The following TP63 variants were observed in gnomAD, a reference collection of about 807,000 sequenced individuals.
The protein encoded by TP63 is tumor protein p63.
Under a neutral mutation model 82.8 loss-of-function variants are expected in TP63, and 17 were observed. The ratio of observed to expected loss-of-function variants is 0.21; its 90% CI spans 0.14 to 0.31. The LOEUF (loss-of-function observed/expected upper bound fraction) is 0.31. Among genes scored for constraint, TP63 ranks in the 10% least tolerant of loss-of-function variants. The pLI is 1.00. For synonymous variants in TP63, 330 were observed against 321.7 expected, an observed-to-expected ratio of 1.03 and a Z score of -0.28; for missense variants, 648 against 895.3, an observed-to-expected ratio of 0.72 and a Z score of 3.52.
chr3:189,620,577 T>C, the TP63 span, among the ~76,000 whole-genome samples: 1 of 149,146 alleles, frequency 6.7e-6, no homozygotes, highest in Non-Finnish European at 1.5e-5. Context: ...GAGAATTCAA[T>C]AGAAATAGTT....
intron 4 of TP63, among the ~76,000 whole-genome samples, chr3:189,841,286 G>A (rs939978321): frequency 2.0e-5 from 3 of 152,156 alleles, no homozygotes; most frequent in Non-Finnish European, 4.4e-5. Flanking sequence ...TGACAGAAAG[G>A]GAATACAGGT....
chr3:189,647,306 C>T (rs147246696), intron 1 of TP63, among the ~76,000 whole-genome samples: 2 of 147,110 alleles, frequency 1.4e-5, no homozygotes, highest in African/African-American at 2.5e-5. Flanking sequence ...TAGTCATACC[C>T]TAAACCAGTA....
At chr3:189,879,078 G>A (rs1319551509) in intron 10 of TP63, among the ~76,000 whole-genome samples, 1 of 152,170 alleles carries the variant, frequency 6.6e-6, no homozygotes, top group Non-Finnish European at 1.5e-5. Context: ...TGCAGAATCA[G>A]GCTCAGTCCT....
At chr3:189,785,499 A>C (rs139231549) in intron 3 of TP63, among the ~76,000 whole-genome samples, 279 of 152,212 alleles carry the variant, frequency 1.8e-3, no homozygotes, top group African/African-American at 6.4e-3. Context: ...AAATAAGAGA[A>C]GGTTTAACTT....
intron 3 of TP63, among the ~76,000 whole-genome samples, chr3:189,744,722 G>A (rs528452268): frequency 3.9e-5 from 6 of 152,290 alleles, no homozygotes; most frequent in African/African-American, 1.4e-4. Context: ...TGACATGCCA[G>A]CTGCCCAGGG....
chr3:189,891,776 C>T (rs184410441), intron 13 of TP63, among the ~76,000 whole-genome samples: 11 of 152,246 alleles, frequency 7.2e-5, no homozygotes, highest in African/African-American at 9.6e-5. Context: ...TCTCTTAGGC[C>T]GCGCTCTTCA....
chr3:189,634,611 T>C (rs1286559443), intron 1 of TP63, among the ~76,000 whole-genome samples: 1 of 152,084 alleles, frequency 6.6e-6, no homozygotes, highest in Non-Finnish European at 1.5e-5. Flanking sequence ...TTAGAGCTTA[T>C]TAAGTTCCCC....
the TP63 span, among the ~76,000 whole-genome samples, chr3:189,598,369 G>A: frequency 6.6e-6 from 1 of 150,780 alleles, no homozygotes; most frequent in Admixed American, 6.6e-5. Flanking sequence ...GGAAAGGCGA[G>A]GCAAGAGAAG....
intron 3 of TP63, among the ~76,000 whole-genome samples, chr3:189,774,631 T>C (rs1237354986): frequency 1.3e-5 from 2 of 152,202 alleles, no homozygotes; most frequent in African/African-American, 4.8e-5. Context: ...TTTCAACTCA[T>C]TTGACAACCC....
chr3:189,886,635 T>G, intron 11 of TP63, 84 bp downstream of exon 11: 1 of 1,578,956 alleles, frequency 6.3e-7, no homozygotes, highest in Non-Finnish European at 8.6e-7. Context: ...GGCATGTTCT[T>G]AAGCTAAATG....
intron 3 of TP63, among the ~76,000 whole-genome samples, chr3:189,756,116 C>T (rs1277233967): frequency 6.6e-6 from 1 of 152,138 alleles, no homozygotes; most frequent in Non-Finnish European, 1.5e-5. Context: ...ATATTTTCCC[C>T]TTTTCCTTCT....
chr3:189,625,153 G>T, the TP63 span, among the ~76,000 whole-genome samples: 2 of 152,094 alleles, frequency 1.3e-5, no homozygotes, highest in African/African-American at 4.8e-5. Flanking sequence ...TAAACATATT[G>T]CTAAGGTACT....
intron 1 of TP63, among the ~76,000 whole-genome samples, chr3:189,680,822 A>C (rs73195973): frequency 0.098 from 14,867 of 152,068 alleles, 792 homozygotes; most frequent in East Asian, 0.24. Context: ...GTCCATCCTA[A>C]AGCTGGGGTG....
At chr3:189,832,943 A>G (rs1258877456) in intron 4 of TP63, among the ~76,000 whole-genome samples, 2 of 152,210 alleles carry the variant, frequency 1.3e-5, no homozygotes, top group African/African-American at 4.8e-5. Context: ...GTCTGTTACT[A>G]TTTGACAGCT....
chr3:189,847,828 C>T (rs1205595342), intron 4 of TP63, among the ~76,000 whole-genome samples: 6 of 152,318 alleles, frequency 3.9e-5, no homozygotes, highest in African/African-American at 1.4e-4. Flanking sequence ...CTTAGACAAA[C>T]TTCTTTGCTT....
intron 4 of TP63, among the ~76,000 whole-genome samples, chr3:189,842,746 C>T (rs1242605736): frequency 6.6e-6 from 1 of 152,194 alleles, no homozygotes; most frequent in East Asian, 1.9e-4. Flanking sequence ...ACACCTCTAA[C>T]GTATCAGTGT....
At chr3:189,713,497 A>AT (rs1718746304) in intron 1 of TP63, among the ~76,000 whole-genome samples, 1 of 152,302 alleles carries the variant, frequency 6.6e-6, no homozygotes, top group African/African-American at 2.4e-5. Flanking sequence ...GTAATCTCAA[A>AT]TGTACTTCAT....
intron 4 of TP63, among the ~76,000 whole-genome samples, chr3:189,830,866 A>G (rs1205145718): frequency 2.0e-5 from 3 of 152,270 alleles, no homozygotes; most frequent in African/African-American, 7.2e-5. Flanking sequence ...GAATATGTAA[A>G]GGGAGAATAA....
chr3:189,624,095 AT>A, the TP63 span, among the ~76,000 whole-genome samples: 50 of 152,322 alleles, frequency 3.3e-4, no homozygotes, highest in African/African-American at 1.2e-3. Context: ...TATGCTGAGT[AT>A]TAATTTCCTC....
Sources: allele counts gnomAD v4.1 joint callset (sites outside exome capture counted in the v4.1 genomes callset), GRCh38; gene constraint gnomAD v4.1.1; transcripts MANE v1.5; gene names NCBI Gene and HGNC (gene_info 2026-07-23, HGNC 2026-07-21).